TLE1: variants seen among roughly 807,000 people sequenced by gnomAD.
TLE1 encodes transducin-like enhancer protein 1.
In TLE1, 21 loss-of-function variants were observed where a neutral mutation model predicts 89.8. That is an observed-to-expected ratio of 0.23 (90% CI 0.17 to 0.34). The LOEUF is 0.34. TLE1 is among the 10% of genes least tolerant of loss of function. TLE1 has a pLI of 1.00. For synonymous variants in TLE1, 447 were observed against 407.6 expected (o/e 1.10, Z -1.16); for missense variants, 795 against 1,031.2 (o/e 0.77, Z 3.14).
chr9:81,618,164 T>C (rs570482480), intron 9 of TLE1, among the ~76,000 whole-genome samples: 1 of 152,308 alleles, frequency 6.6e-6, no homozygotes, highest in East Asian at 1.9e-4. Context: ...AATGTAGGCA[T>C]ATGGAAAAAG....
intron 9 of TLE1, among the ~76,000 whole-genome samples, chr9:81,618,534 A>G (rs1824842119): frequency 6.6e-6 from 1 of 152,148 alleles, no homozygotes; most frequent in African/African-American, 2.4e-5. Flanking sequence ...TCAAATTACA[A>G]CCAATGAGGA....
intron 10 of TLE1, among the ~76,000 whole-genome samples, chr9:81,616,422 G>C (rs1824520963): frequency 6.6e-6 from 1 of 152,046 alleles, no homozygotes; most frequent in African/African-American, 2.4e-5. Context: ...TCCAACTTAG[G>C]CATTCAAAAT....
intron 6 of TLE1, among the ~76,000 whole-genome samples, chr9:81,649,645 T>C (rs542420782): frequency 6.6e-6 from 1 of 152,316 alleles, no homozygotes; most frequent in South Asian, 2.1e-4. Context: ...CTCCCATTGT[T>C]CTTTACCCTA....
At chr9:81,658,499 T>C (rs1830405623) in intron 4 of TLE1, among the ~76,000 whole-genome samples, 1 of 152,096 alleles carries the variant, frequency 6.6e-6, no homozygotes, top group Non-Finnish European at 1.5e-5. Context: ...GTCTGCCAGG[T>C]CTCTAAACCC....
chr9:81,664,230 C>T (rs1245973803), intron 4 of TLE1, among the ~76,000 whole-genome samples: 1 of 149,862 alleles, frequency 6.7e-6, no homozygotes, highest in Non-Finnish European at 1.5e-5. Context: ...GCCTGGGCAA[C>T]ACAGCAAGAC....
intron 14 of TLE1, among the ~76,000 whole-genome samples, chr9:81,594,171 C>T (rs1026311186): frequency 1.3e-5 from 2 of 152,176 alleles, no homozygotes; most frequent in Admixed American, 6.5e-5. Context: ...TTCCTTCCCA[C>T]TGCCTGAGCT....
intron 6 of TLE1, among the ~76,000 whole-genome samples, chr9:81,644,889 G>A (rs1185204496): frequency 6.6e-6 from 1 of 151,252 alleles, no homozygotes; most frequent in Non-Finnish European, 1.5e-5. Flanking sequence ...AATTACTCGG[G>A]AGGCTGAGGC....
intron 5 of TLE1, 104 bp downstream of exon 5, chr9:81,653,867 GTTC>G: frequency 2.0e-6 from 2 of 1,008,500 alleles, no homozygotes; most frequent in East Asian, 5.0e-5. Flanking sequence ...TGTAACAGAT[GTTC>G]TTCACACTTG....
intron 4 of TLE1, among the ~76,000 whole-genome samples, chr9:81,662,407 T>TGTGTGTGTGTGTGTGTG (rs1435013957): frequency 2.8e-5 from 2 of 71,504 alleles, no homozygotes; most frequent in African/African-American, 5.5e-5. Flanking sequence ...GTGTGTGTGT[T>TGTGTGTGTGTGTGTGTG]TAAAGGGCCA....
chr9:81,660,022 T>C (rs948856896), intron 4 of TLE1, among the ~76,000 whole-genome samples: 2 of 152,148 alleles, frequency 1.3e-5, no homozygotes, highest in African/African-American at 4.8e-5. Context: ...TGTCATTTGG[T>C]AAACTAAACC....
At position 81,604,344 on chromosome 9, in the gene TLE1, G is replaced by A. The variant is rs138086663; in HGVS notation, c.1331+5876C>T. 2.3e-3 allele frequency among the ~76,000 whole-genome samples: 347 copies of A among 152,280 alleles called. 4 individuals are homozygous for A. Among genetic ancestry groups the A allele is most frequent in the Non-Finnish European group, 3.9e-3 (265 of 68,032 alleles). ...GGATCTTAGTGAGCAGGTGATGTGG[G>A]AACCCTAAACCATGGCCCACAAGAG... On this transcript the variant is annotated intron_variant, in intron 14 of 19. Transcript: ENST00000376499.
chr9:81,638,037 G>T (rs557559895), intron 6 of TLE1, among the ~76,000 whole-genome samples: 1 of 152,308 alleles, frequency 6.6e-6, no homozygotes, highest in African/African-American at 2.4e-5. Context: ...AAAGGGCAAA[G>T]CCATTCTCTA....
chr9:81,594,619 A>T (rs1171466459), intron 14 of TLE1, among the ~76,000 whole-genome samples: 1 of 152,144 alleles, frequency 6.6e-6, no homozygotes, highest in Admixed American at 6.5e-5. Context: ...TCACTAAGAG[A>T]GCTAGAAGTT....
chr9:81,687,543 T>G, intron 1 of TLE1, 109 bp from the exon 2 acceptor site: 1 of 804,904 alleles, frequency 1.2e-6, no homozygotes, highest in Non-Finnish European at 2.0e-6. Flanking sequence ...AAGTTAGAAG[T>G]GGCTGAAAAC....
intron 8 of TLE1, among the ~76,000 whole-genome samples, chr9:81,631,927 AC>A (rs1826669184): frequency 6.6e-6 from 1 of 152,042 alleles, no homozygotes; most frequent in South Asian, 2.1e-4. Context: ...ACATGGAGAA[AC>A]CCCGTCTGTA....
intron 12 of TLE1, among the ~76,000 whole-genome samples, chr9:81,613,047 C>T (rs1158948676): frequency 1.3e-5 from 2 of 151,706 alleles, no homozygotes; most frequent in African/African-American, 4.9e-5. Context: ...GGGACAAGAG[C>T]AAGACTTTCG....
chr9:81,660,961 A>ACACACACACACACACACACACACC (rs1830700178), intron 4 of TLE1, among the ~76,000 whole-genome samples: 1 of 109,488 alleles, frequency 9.1e-6, no homozygotes, highest in African/African-American at 3.2e-5. Flanking sequence ...ACACACACAC[A>ACACACACACACACACACACACACC]CACACACACA....
intron 4 of TLE1, among the ~76,000 whole-genome samples, chr9:81,674,675 A>G (rs780753603): frequency 2.0e-5 from 3 of 152,236 alleles, no homozygotes; most frequent in Non-Finnish European, 2.9e-5. Flanking sequence ...GGTCAGAACA[A>G]AGAGAGGAGG....
rs994468655 is a variant in TLE1 at position 81,615,946 on chromosome 9, C to T, written c.918+36G>A. On this transcript the variant is annotated intron_variant, in intron 11 of 19. Transcript: ENST00000376499. The stretch of plus-strand genomic sequence containing the variant: ...CCTCCAGTCCACAATGAAAAATACA[C>T]TGCCAAACAGGCAAGTGTCAGTTTT... The T allele has an allele frequency of 3.1e-6, 5 of 1,611,268 alleles. No individual in the cohort carries two copies. The African/African-American group carries it at 6.7e-5, about 22-fold the overall frequency.
Sources: allele counts gnomAD v4.1 joint callset (sites outside exome capture counted in the v4.1 genomes callset), GRCh38; gene constraint gnomAD v4.1.1; transcripts MANE v1.5; gene names NCBI Gene and HGNC (gene_info 2026-07-23, HGNC 2026-07-21).